Variants in PTCD3 observed in about 807,000 individuals in gnomAD.
PTCD3 encodes pentatricopeptide repeat domain 3, also known as small ribosomal subunit protein mS39.
A neutral mutation model predicts 101.9 loss-of-function variants in PTCD3; 89 were observed. The observed-to-expected ratio is 0.87, with a 90% CI of 0.74 to 1.04. The LOEUF (loss-of-function observed/expected upper bound fraction) is 1.04, where lower values mean the gene tolerates loss of function less well. Among genes scored for constraint, PTCD3 ranks in the 50% least tolerant of loss-of-function variants. The pLI is 0.00. For missense variants in PTCD3, 870 were observed against 828.2 expected, an observed-to-expected ratio of 1.05 and a Z score of -0.62; for synonymous variants, 296 against 278.5, an observed-to-expected ratio of 1.06 and a Z score of -0.63.
chr2:86,126,337 C>T (rs1464806210), intron 12 of PTCD3, among the ~76,000 whole-genome samples: 4 of 152,014 alleles, frequency 2.6e-5, no homozygotes, highest in African/African-American at 4.8e-5. Flanking sequence ...CTACCCTTTC[C>T]GCAGCCCTGG....
At position 86,137,771 on chromosome 2, in the gene PTCD3, G is replaced by T; in HGVS notation, c.*212G>T. On this transcript the variant is annotated 3_prime_UTR_variant, in exon 24 of 24. Transcript: ENST00000254630. ...AACCATCTATTAATGCACCATTAAAGGCTTAGCATTTAAGTAGCAACATTG... is the reference window on the plus strand; with the variant it reads ...AACCATCTATTAATGCACCATTAAATGCTTAGCATTTAAGTAGCAACATTG... The T allele has an allele frequency of 1.8e-6, 1 of 571,224 alleles. No homozygotes were observed. The highest frequency in any genetic ancestry group is 2.9e-6 in the Non-Finnish European group (1 of 341,456). The allele number at this position is 571,224 out of a possible 1,614,324, so 35.4% of individuals were successfully genotyped here. A position where few individuals can be genotyped will look rare whatever the true frequency, so the allele number is the denominator to read the frequency against.
At position 86,137,148 on chromosome 2, in the gene PTCD3, G is replaced by A. The variant is rs1335842556; in HGVS notation, c.1979+8G>A. 2 of 1,571,794 alleles carry A rather than the reference G, an allele frequency of 1.3e-6. No individual in the cohort carries two copies. Among genetic ancestry groups the A allele is most frequent in the Admixed American group, 1.9e-5 (1 of 52,166 alleles). On this transcript the variant is annotated splice_region_variant and intron_variant, in intron 23 of 23. Coordinates refer to ENST00000254630, the MANE Select transcript of PTCD3 (RefSeq NM_017952.6). ...AATCAACCAGGAACAAAAGTAAGTGGTCACCATGAAGCATAGTTTGTAAAA... is the reference window on the plus strand; with the variant it reads ...AATCAACCAGGAACAAAAGTAAGTGATCACCATGAAGCATAGTTTGTAAAA...
Position 86,137,155 on chromosome 2 carries a change from T to A in PTCD3, c.1979+15T>A. The A allele has an allele frequency of 1.9e-6, 3 of 1,559,640 alleles. No individual in the cohort carries two copies. The highest frequency in any genetic ancestry group is 2.6e-6 in the Non-Finnish European group (3 of 1,154,384). ...CAGGAACAAAAGTAAGTGGTCACCA[T>A]GAAGCATAGTTTGTAAAATGGAGAC... On this transcript the variant is annotated intron_variant, in intron 23 of 23. Coordinates refer to ENST00000254630, the MANE Select transcript of PTCD3 (RefSeq NM_017952.6).
intron 8 of PTCD3, among the ~76,000 whole-genome samples, chr2:86,123,147 A>G (rs1453091436): frequency 6.6e-6 from 1 of 152,054 alleles, no homozygotes; most frequent in Non-Finnish European, 1.5e-5. Context: ...CTGTAGTCCC[A>G]GCTACTCCGG....
intron 10 of PTCD3, 112 bp from the exon 11 acceptor site, chr2:86,125,343 A>G: frequency 8.2e-7 from 1 of 1,217,540 alleles, no homozygotes; most frequent in Non-Finnish European, 1.2e-6. Flanking sequence ...GCTTCATGAG[A>G]ACAGGAGCCT....
At chr2:86,116,139 A>T (rs1338744442) in intron 4 of PTCD3, among the ~76,000 whole-genome samples, 1 of 152,210 alleles carries the variant, frequency 6.6e-6, no homozygotes, top group African/African-American at 2.4e-5. Context: ...ATATACATGT[A>T]TATATGCCCA....
Position 86,132,330 on chromosome 2 carries a change from A to G in PTCD3, c.1279A>G (p.Arg427Gly). The change falls in exon 17 of 24, where the codon AGA (arginine) becomes GGA (glycine). Residue 427 changes from arginine to glycine, a missense_variant. Arg to Gly is a moderately radical substitution (Grantham distance 125, BLOSUM62 -2). Transcript: ENST00000254630. ...QSAMSICSSL[R>G]DLELAYQVHG... ...TGCATATTTTCAGTGCTCATCTCTC[A>G]GAGATCTAGAACTTGCCTACCAAGT... 1.3e-6 allele frequency: 2 copies of G among 1,596,224 alleles called. No individual in the cohort carries two copies. Among genetic ancestry groups the G allele is most frequent in the Non-Finnish European group, 8.6e-7 (1 of 1,165,056 alleles).
At position 86,136,512 on chromosome 2, in the gene PTCD3, C is replaced by T. The variant is rs1674587077; in HGVS notation, c.1779-9C>T. On this transcript the variant is annotated splice_polypyrimidine_tract_variant and intron_variant, in intron 21 of 23. Transcript: ENST00000254630. The stretch of plus-strand genomic sequence containing the variant: ...ATAGTATTCATAATCTTTTTCCTTT[C>T]TTGAGCAGGAAAATGTTGGGGCTTT... 1 of 1,605,992 alleles carries T rather than the reference C, an allele frequency of 6.2e-7. No homozygotes were observed. Among genetic ancestry groups the T allele is most frequent in the Non-Finnish European group, 8.5e-7 (1 of 1,172,766 alleles).
Position 86,125,056 on chromosome 2 carries a change from T to A in PTCD3, c.778T>A (p.Cys260Ser). Residue 260 changes from cysteine to serine, a missense_variant, in exon 10 of 24, where the codon TGC becomes AGC. Coordinates refer to ENST00000254630, the MANE Select transcript of PTCD3 (RefSeq NM_017952.6). ...GCCAGAGAAAAATGAACATTCCTAT[T>A]GCACAATGATCCGAGGAATGGTGAA... ...LMPEKNEHSYCTMIRGMVKHR... is the reference protein window; with the variant it reads ...LMPEKNEHSYSTMIRGMVKHR... 6.2e-7 allele frequency: 1 copy of A among 1,614,100 alleles called. No individual in the cohort carries two copies. The highest frequency in any genetic ancestry group is 8.5e-7 in the Non-Finnish European group (1 of 1,180,022).
chr2:86,111,581 C>G (rs930298499), intron 4 of PTCD3, among the ~76,000 whole-genome samples: 2 of 151,176 alleles, frequency 1.3e-5, no homozygotes, highest in African/African-American at 4.9e-5. Context: ...GAGCGAGACT[C>G]TGTCTCAAAA....
Position 86,111,132 on chromosome 2 carries a change from C to G in PTCD3, c.214C>G (p.Gln72Glu). 6.8e-6 allele frequency: 11 copies of G among 1,613,702 alleles called. No individual in the cohort carries two copies. Among genetic ancestry groups the G allele is most frequent in the Non-Finnish European group, 9.3e-6 (11 of 1,179,648 alleles). Reference sequence around the variant, plus strand: ...TTTTAGGGATAAAGTAGCCGTTCTTCAGGCACTTGCATCCACAGTAAACAG... The same window carrying G: ...TTTTAGGGATAAAGTAGCCGTTCTTGAGGCACTTGCATCCACAGTAAACAG... ...KKTWDKVAVLQALASTVNRDT... is the reference protein window; with the variant it reads ...KKTWDKVAVLEALASTVNRDT... Residue 72 changes from glutamine (Q) to glutamate (E), a missense_variant, in exon 4 of 24, where the codon CAG becomes GAG. Physicochemically the swap from Gln to Glu is conservative, Grantham distance 29 (BLOSUM62 2). Transcript: ENST00000254630.
chr2:86,106,330 G>A lies in PTCD3; in HGVS notation c.83G>A (p.Cys28Tyr). The A allele has an allele frequency of 6.2e-7, 1 of 1,614,060 alleles. No homozygotes were observed. Among genetic ancestry groups the A allele is most frequent in the South Asian group, 1.1e-5 (1 of 91,046 alleles). ...CTGACGGGTCGGCGGGCGGGTTTGT[G>A]TGAACAGGCACGCAGCTGCAGGTAA... ...QPLTGRRAGLCEQARSCRFYS... is the reference protein window; with the variant it reads ...QPLTGRRAGLYEQARSCRFYS... Residue 28 changes from cysteine (C) to tyrosine (Y), a missense_variant, in exon 1 of 24, where the codon TGT becomes TAT. Coordinates refer to ENST00000254630, the MANE Select transcript of PTCD3 (RefSeq NM_017952.6).
intron 6 of PTCD3, 137 bp from the exon 7 acceptor site, chr2:86,118,784 G>T: frequency 1.1e-6 from 1 of 914,706 alleles, no homozygotes; most frequent in East Asian, 2.5e-5. Flanking sequence ...ATGATCAGTA[G>T]TATCTGGTGC....
intron 17 of PTCD3, 74 bp from the exon 18 acceptor site, chr2:86,133,103 TA>T: frequency 6.5e-7 from 1 of 1,541,464 alleles, no homozygotes; most frequent in Non-Finnish European, 8.7e-7. Context: ...TAATATGCTA[TA>T]ATTTCAACCC....
intron 7 of PTCD3, among the ~76,000 whole-genome samples, chr2:86,120,308 G>A (rs1234952302): frequency 6.6e-6 from 1 of 152,166 alleles, no homozygotes; most frequent in East Asian, 1.9e-4. Flanking sequence ...AACAAAGTGA[G>A]CTAACATACC....
intron 12 of PTCD3, among the ~76,000 whole-genome samples, chr2:86,126,679 A>AAG (rs1281083601): frequency 6.6e-6 from 1 of 152,024 alleles, no homozygotes; most frequent in African/African-American, 2.4e-5. Context: ...TACTACAAAA[A>AAG]TACAAAAATT....
intron 12 of PTCD3, among the ~76,000 whole-genome samples, chr2:86,126,210 A>G (rs1674384662): frequency 6.7e-6 from 1 of 149,048 alleles, no homozygotes; most frequent in Non-Finnish European, 1.5e-5. Context: ...AGCCTGGGCA[A>G]CAGAGCAAGA....
At chr2:86,129,467 C>T (rs891360497) in intron 14 of PTCD3, among the ~76,000 whole-genome samples, 8 of 152,154 alleles carry the variant, frequency 5.3e-5, no homozygotes, top group Admixed American at 4.6e-4. Flanking sequence ...ATAGAGAGAC[C>T]TCCATGTCTA....
chr2:86,130,981 G>T, intron 15 of PTCD3, 97 bp from the exon 16 acceptor site: 1 of 1,408,828 alleles, frequency 7.1e-7, no homozygotes, highest in Non-Finnish European at 9.7e-7. Context: ...TATCTTGCAT[G>T]TTACCAGTTT....
Sources: gnomAD v4.1 joint callset for allele counts (sites outside exome capture counted in the v4.1 genomes callset) on GRCh38, gnomAD v4.1.1 for gene constraint, MANE v1.5 for transcripts, NCBI Gene and HGNC (gene_info 2026-07-23, HGNC 2026-07-21) for gene names.